MLLT3: variants seen among roughly 807,000 people sequenced by gnomAD.
MLLT3 encodes MLLT3 super elongation complex subunit.
Under a neutral mutation model 53.2 loss-of-function variants are expected in MLLT3, and 4 were observed. The observed-to-expected ratio is 0.08, with a 90% confidence interval of 0.04 to 0.17. The LOEUF (loss-of-function observed/expected upper bound fraction) is 0.17. Ranked by LOEUF, MLLT3 falls within the 10% of genes least tolerant of loss-of-function variation. MLLT3 has a pLI of 1.00. For synonymous variants in MLLT3, 283 were observed against 230.6 expected (o/e 1.23, Z -2.06); for missense variants, 569 against 684.0 (o/e 0.83, Z 1.87).
At chr9:20,398,667 T>C (rs921890686) in intron 5 of MLLT3, among the ~76,000 whole-genome samples, 1 of 152,154 alleles carries the variant, frequency 6.6e-6, no homozygotes, top group Admixed American at 6.6e-5. Flanking sequence ...CATGTTATCA[T>C]GCCCCTGCAC....
At chr9:20,481,458 T>A (rs1387824610) in intron 2 of MLLT3, among the ~76,000 whole-genome samples, 1 of 152,084 alleles carries the variant, frequency 6.6e-6, no homozygotes, top group Admixed American at 6.6e-5. Flanking sequence ...ATATCGCAAG[T>A]CCCACACCCC....
At chr9:20,502,984 A>C (rs932481473) in intron 2 of MLLT3, among the ~76,000 whole-genome samples, 1 of 152,226 alleles carries the variant, frequency 6.6e-6, no homozygotes, top group Non-Finnish European at 1.5e-5. Flanking sequence ...GCTTAGGAAA[A>C]AATTTAAACC....
intron 2 of MLLT3, among the ~76,000 whole-genome samples, chr9:20,605,264 C>T (rs1820532234): frequency 6.6e-6 from 1 of 152,092 alleles, no homozygotes; most frequent in Non-Finnish European, 1.5e-5. Context: ...ATAGCTCTCT[C>T]ATTACATATC....
rs561097159 is a variant in MLLT3 at position 20,510,338 on chromosome 9, C to T, written c.194-53552G>A. Among the ~76,000 whole-genome samples, 42 of 152,232 alleles carry T rather than the reference C, an allele frequency of 2.8e-4. No homozygotes were observed. In the South Asian group the frequency reaches 7.7e-3, roughly 28 times the overall value. ...ATAAAAGATCAATTTTGCCGCCAGGCGCGGTGGCTCACACCTGTAATCCCA... is the reference window on the plus strand; with the variant it reads ...ATAAAAGATCAATTTTGCCGCCAGGTGCGGTGGCTCACACCTGTAATCCCA... On this transcript the variant is annotated intron_variant, in intron 2 of 10. Transcript: ENST00000380338.
chr9:20,583,604 C>G (rs1819864882), intron 2 of MLLT3, among the ~76,000 whole-genome samples: 1 of 152,184 alleles, frequency 6.6e-6, no homozygotes, highest in Non-Finnish European at 1.5e-5. Context: ...AACCTCAATC[C>G]TTGACTTCTG....
At chr9:20,467,862 C>T (rs1035214971) in intron 2 of MLLT3, among the ~76,000 whole-genome samples, 8 of 152,196 alleles carry the variant, frequency 5.3e-5, no homozygotes, top group Admixed American at 2.0e-4. Context: ...GCTGCTGAAG[C>T]TTACTGTAAT....
intron 2 of MLLT3, among the ~76,000 whole-genome samples, chr9:20,509,381 T>C (rs893817448): frequency 9.9e-5 from 15 of 152,154 alleles, no homozygotes; most frequent in Non-Finnish European, 1.5e-5. Context: ...GGGAAAAGCT[T>C]TTACTGTTTC....
Position 20,341,988 on chromosome 9 carries a change from C to A in MLLT3, c.*4455G>T, listed in dbSNP as rs1820747304. On this transcript the variant is annotated 3_prime_UTR_variant, in exon 11 of 11. Transcript: ENST00000380338. ...AAGATGGTGTTAGACATGAGGGACT[C>A]CTAAAATGAATGAGGCATGGACTCT... 4.9e-6 allele frequency: 1 copy of A among 204,598 alleles called. No homozygotes were observed. Among genetic ancestry groups the A allele is most frequent in the Non-Finnish European group, 1.0e-5 (1 of 100,054 alleles). The allele number at this position is 204,598 out of a possible 1,614,324, so 12.7% of individuals were successfully genotyped here. A position where few individuals can be genotyped will look rare whatever the true frequency, so the allele number is the denominator to read the frequency against.
rs534623275 is a variant in MLLT3, at chr9:20,571,104, C to T, written c.193+49550G>A. Reference sequence around the variant, plus strand: ...AGTTACACACAGAAAAAAACAAGGACCACCACGTGTACTCACACATATACA... The same window carrying T: ...AGTTACACACAGAAAAAAACAAGGATCACCACGTGTACTCACACATATACA... On this transcript the variant is annotated intron_variant, in intron 2 of 10. Coordinates refer to ENST00000380338, the MANE Select transcript of MLLT3 (RefSeq NM_004529.4). 4.6e-5 allele frequency among the ~76,000 whole-genome samples: 7 copies of T among 152,318 alleles called. No individual in the cohort carries two copies. The East Asian group carries it at 7.7e-4, about 17-fold the overall frequency.
rs570945200 is a variant in MLLT3, at chr9:20,367,972, G to T, written c.1126-2228C>A. On this transcript the variant is annotated intron_variant, in intron 5 of 10. Coordinates refer to ENST00000380338, the MANE Select transcript of MLLT3 (RefSeq NM_004529.4). ...CCTAATGCACAATTCACATCCTCAG[G>T]CTTGATGGGAAAGCAGGTGCCAGCA... 9.2e-5 allele frequency among the ~76,000 whole-genome samples: 14 copies of T among 152,294 alleles called. No individual in the cohort carries two copies. In the South Asian group the frequency reaches 2.9e-3, roughly 32 times the overall value.
chr9:20,356,377 CT>C (rs1473330986), intron 8 of MLLT3, among the ~76,000 whole-genome samples: 1 of 152,070 alleles, frequency 6.6e-6, no homozygotes, highest in Non-Finnish European at 1.5e-5. Context: ...ACATGCTCCA[CT>C]GTAAAGGAAA....
chr9:20,556,726 T>A (rs1383952553), intron 2 of MLLT3, among the ~76,000 whole-genome samples: 6 of 151,900 alleles, frequency 3.9e-5, no homozygotes, highest in Admixed American at 2.0e-4. Flanking sequence ...AGAAATAAGA[T>A]AACAAAAGAG....
chr9:20,575,849 G>A (rs1054261673), intron 2 of MLLT3, among the ~76,000 whole-genome samples: 3 of 152,152 alleles, frequency 2.0e-5, no homozygotes, highest in Admixed American at 6.5e-5. Flanking sequence ...AACGAGCACT[G>A]GCTTCAACTA....
In MLLT3 at chr9:20,553,514, C is replaced by A. The variant is rs147061149; in HGVS notation, c.193+67140G>T. 5.9e-3 allele frequency among the ~76,000 whole-genome samples: 896 copies of A among 152,270 alleles called. 13 individuals are homozygous for A. The highest frequency in any genetic ancestry group is 8.6e-3 in the Non-Finnish European group (586 of 68,026). ...CCTCAATTCATCTGTAACACTCATT[C>A]AACAAACACACTGAACACCTCCTAG... On this transcript the variant is annotated intron_variant, in intron 2 of 10. Coordinates refer to ENST00000380338, the MANE Select transcript of MLLT3 (RefSeq NM_004529.4).
At chr9:20,568,767 G>A (rs1819450557) in intron 2 of MLLT3, among the ~76,000 whole-genome samples, 1 of 152,102 alleles carries the variant, frequency 6.6e-6, no homozygotes. Context: ...AGCTAATGTT[G>A]ATTAAGTCCT....
In MLLT3 at chr9:20,529,422, G is replaced by A. The variant is rs1347057848; in HGVS notation, c.194-72636C>T. On this transcript the variant is annotated intron_variant, in intron 2 of 10. Transcript: ENST00000380338. ...CAGATTAAAAGTTCTAAAAACTGAT[G>A]CATGACACTTTTAGCCAAATCAGAG... Among the ~76,000 whole-genome samples, 6 of 152,146 alleles carry A rather than the reference G, an allele frequency of 3.9e-5. No individual in the cohort carries two copies. In the South Asian group the frequency reaches 8.3e-4, roughly 21 times the overall value.
chr9:20,408,333 A>C (rs1016599628), intron 5 of MLLT3, among the ~76,000 whole-genome samples: 1 of 152,098 alleles, frequency 6.6e-6, no homozygotes, highest in Non-Finnish European at 1.5e-5. Flanking sequence ...ATGGATGAAT[A>C]AATGAACAGC....
intron 2 of MLLT3, among the ~76,000 whole-genome samples, chr9:20,617,621 C>T (rs1820866728): frequency 6.6e-6 from 1 of 152,118 alleles, no homozygotes; most frequent in Non-Finnish European, 1.5e-5. Flanking sequence ...CAGACTAGTA[C>T]AAATCTTTGG....
rs1187221081 is a variant in MLLT3 at position 20,448,176 on chromosome 9, T to A, written c.367A>T (p.Thr123Ser). Residue 123 changes from threonine to serine, a missense_variant, in exon 4 of 11, where the codon ACT becomes TCT. Coordinates refer to ENST00000380338, the MANE Select transcript of MLLT3 (RefSeq NM_004529.4). The surrounding 1 kb of genome is among the most constrained non-coding windows in gnomAD (Gnocchi z 4.0). ...AAGTCCTCTGTGGGGTTGTTGAAAG[T>A]TAGCTTTTCACAGCGGAGGTGATTC... Reference protein sequence around the residue: ...PVNHLRCEKLTFNNPTEDFRR... With the variant: ...PVNHLRCEKLSFNNPTEDFRR... 1.9e-6 allele frequency: 3 copies of A among 1,613,764 alleles called. No homozygotes were observed.
Sources: allele counts gnomAD v4.1 joint callset (sites outside exome capture counted in the v4.1 genomes callset), GRCh38; gene constraint gnomAD v4.1.1; non-coding constraint Gnocchi (gnomAD v3.1); transcripts MANE v1.5; gene names NCBI Gene and HGNC (gene_info 2026-07-23, HGNC 2026-07-21).